BNC2: variants seen among roughly 807,000 people sequenced by gnomAD.
BNC2 encodes basonuclin zinc finger protein 2.
In BNC2, 20 loss-of-function variants were observed where a neutral mutation model predicts 76.3. The observed-to-expected ratio is 0.26, with a 90% CI of 0.18 to 0.38. BNC2 has a LOEUF of 0.38. BNC2 is among the 10% of genes least tolerant of loss of function. The pLI is 1.00. For missense variants in BNC2, 1,382 were observed against 1,399.8 expected (o/e 0.99, Z 0.20); for synonymous variants, 582 against 514.8 (o/e 1.13, Z -1.77).
intron 3 of BNC2, among the ~76,000 whole-genome samples, chr9:16,641,931 G>C (rs1308115977): frequency 6.6e-6 from 1 of 152,070 alleles, no homozygotes; most frequent in Admixed American, 6.6e-5. Flanking sequence ...TTTTCTGTTT[G>C]CTGTTAACAT....
chr9:16,658,751 C>A (rs924236574), intron 3 of BNC2, among the ~76,000 whole-genome samples: 5 of 152,160 alleles, frequency 3.3e-5, no homozygotes, highest in African/African-American at 1.2e-4. Flanking sequence ...CCAACTATCC[C>A]AGAACAGACA....
chr9:16,638,756 A>G (rs1697048179), intron 3 of BNC2, among the ~76,000 whole-genome samples: 1 of 152,280 alleles, frequency 6.6e-6, no homozygotes, highest in Middle Eastern at 3.4e-3. Context: ...ATAGAGTACG[A>G]TAATACTATT....
At position 16,418,875 on chromosome 9, in the gene BNC2, A is replaced by ACG; in HGVS notation, c.*113_*114insCG. 4 of 719,326 alleles carry ACG rather than the reference A, an allele frequency of 5.6e-6. No homozygotes were observed. The highest frequency in any genetic ancestry group is 8.8e-6 in the Non-Finnish European group (4 of 456,742). 44.6% of individuals were successfully genotyped at this position (719,326 alleles called of 1,614,324 possible). A position where few individuals can be genotyped will look rare whatever the true frequency, so the allele number is the denominator to read the frequency against. On this transcript the variant is annotated 3_prime_UTR_variant, in exon 7 of 7. Transcript: ENST00000380672. The stretch of plus-strand genomic sequence containing the variant: ...GTAGCCACAGAGCATACATAAATGC[A>ACG]CACACACACACACACACACACACAC...
At chr9:16,430,105 T>G in intron 6 of BNC2, 1 of 447,476 alleles carries the variant, frequency 2.2e-6, no homozygotes, top group Non-Finnish European at 4.5e-6. Flanking sequence ...GGATGTATTT[T>G]GTGTGTTTGC....
intron 3 of BNC2, among the ~76,000 whole-genome samples, chr9:16,642,228 GA>G (rs1253154062): frequency 6.6e-6 from 1 of 152,062 alleles, no homozygotes; most frequent in African/African-American, 2.4e-5. Flanking sequence ...AGCACATAAG[GA>G]TTTTTTTAAG....
At chr9:16,598,809 T>C (rs1397780371) in intron 3 of BNC2, among the ~76,000 whole-genome samples, 1 of 152,196 alleles carries the variant, frequency 6.6e-6, no homozygotes, top group African/African-American at 2.4e-5. Context: ...TCACAGGCAG[T>C]GTATATATCC....
rs184538816 is a variant in BNC2 at position 16,724,879 on chromosome 9, A to G, written c.330+2918T>C. On this transcript the variant is annotated intron_variant, in intron 3 of 6. Transcript: ENST00000380672. ...GTAACTCAGTTTTGAAACCTTTTATAGCAGCCCTACTAGTCAGAGTTTTCA... is the reference window on the plus strand; with the variant it reads ...GTAACTCAGTTTTGAAACCTTTTATGGCAGCCCTACTAGTCAGAGTTTTCA... Among the ~76,000 whole-genome samples the G allele has an allele frequency of 1.8e-4, 27 of 152,286 alleles. No individual in the cohort carries two copies. In the East Asian group the frequency reaches 5.2e-3, roughly 29 times the overall value.
chr9:16,707,418 T>G (rs1182021037), intron 3 of BNC2, among the ~76,000 whole-genome samples: 1 of 152,126 alleles, frequency 6.6e-6, no homozygotes, highest in Admixed American at 6.5e-5. Context: ...CTTTTCTTCT[T>G]ATATCAAGTT....
chr9:16,535,707 C>T (rs1439967055), intron 5 of BNC2, among the ~76,000 whole-genome samples: 2 of 152,124 alleles, frequency 1.3e-5, no homozygotes, highest in African/African-American at 2.4e-5. Flanking sequence ...CAGTACTGGT[C>T]CCCAAATTGC....
chr9:16,560,023 A>T (rs1013253906), intron 4 of BNC2, among the ~76,000 whole-genome samples: 2 of 152,234 alleles, frequency 1.3e-5, no homozygotes, highest in African/African-American at 4.8e-5. Flanking sequence ...GGAGGAGGAG[A>T]CTACTGTAGG....
At chr9:16,823,547 G>A (rs956352244) in intron 1 of BNC2, among the ~76,000 whole-genome samples, 1 of 151,346 alleles carries the variant, frequency 6.6e-6, no homozygotes, top group Non-Finnish European at 1.5e-5. Context: ...AGGTTGCAGT[G>A]AGCTGAGATC....
intron 4 of BNC2, among the ~76,000 whole-genome samples, chr9:16,569,594 AC>A (rs1463462733): frequency 6.6e-6 from 1 of 151,972 alleles, no homozygotes; most frequent in Non-Finnish European, 1.5e-5. Context: ...GTATTTCACC[AC>A]TCGGTTGTTC....
chr9:16,500,730 A>G (rs904348321), intron 5 of BNC2, among the ~76,000 whole-genome samples: 2 of 152,224 alleles, frequency 1.3e-5, no homozygotes, highest in African/African-American at 4.8e-5. Flanking sequence ...TTTAAAATAC[A>G]GATGTGAAAA....
At chr9:16,828,056 C>G (rs1409816120) in intron 1 of BNC2, among the ~76,000 whole-genome samples, 1 of 152,088 alleles carries the variant, frequency 6.6e-6, no homozygotes, top group African/African-American at 2.4e-5. Flanking sequence ...TCCATGTCTG[C>G]AATGATATGT....
At chr9:16,593,532 G>A (rs557202437) in intron 3 of BNC2, among the ~76,000 whole-genome samples, 9 of 123,244 alleles carry the variant, frequency 7.3e-5, no homozygotes, top group South Asian at 2.6e-4. Flanking sequence ...TTTGGAGTGC[G>A]TGTGTGTGTG....
chr9:16,841,558 G>C (rs1818826950), intron 1 of BNC2, among the ~76,000 whole-genome samples: 1 of 152,082 alleles, frequency 6.6e-6, no homozygotes, highest in African/African-American at 2.4e-5. Context: ...CATAAGGTCT[G>C]TGTGGGTCAT....
chr9:16,759,606 A>T (rs1042917491), intron 1 of BNC2, among the ~76,000 whole-genome samples: 25 of 152,206 alleles, frequency 1.6e-4, no homozygotes, highest in Non-Finnish European at 2.9e-5. Context: ...CATGCCATTT[A>T]TATATAATTC....
chr9:16,576,850 G>C lies in BNC2; in HGVS notation c.433+6133C>G, dbSNP rs573191332. 2.0e-4 allele frequency among the ~76,000 whole-genome samples: 30 copies of C among 152,276 alleles called. No individual in the cohort carries two copies. In the South Asian group the frequency reaches 2.5e-3, roughly 13 times the overall value. On this transcript the variant is annotated intron_variant, in intron 4 of 6. Coordinates refer to ENST00000380672, the MANE Select transcript of BNC2 (RefSeq NM_017637.6). ...CCTCCTGGGTTTAAGCGATTCTCAT[G>C]CTTCAGCCTCCCGAGTAGCTGGGAT...
intron 1 of BNC2, among the ~76,000 whole-genome samples, chr9:16,868,536 A>T (rs894713730): frequency 6.6e-6 from 1 of 152,200 alleles, no homozygotes; most frequent in Non-Finnish European, 1.5e-5. Context: ...CTTACATGCA[A>T]ACACCACCCA....
Sources: allele counts gnomAD v4.1 joint callset (sites outside exome capture counted in the v4.1 genomes callset), GRCh38; gene constraint gnomAD v4.1.1; transcripts MANE v1.5; gene names NCBI Gene and HGNC (gene_info 2026-07-23, HGNC 2026-07-21).